Variants in SLC8A1 observed in about 807,000 individuals in gnomAD.
SLC8A1 encodes sodium/calcium exchanger 1.
A neutral mutation model predicts 68.3 loss-of-function variants in SLC8A1; 18 were observed. The observed-to-expected ratio is 0.26, with a 90% CI of 0.18 to 0.39. The LOEUF is 0.39. Ranked by LOEUF, SLC8A1 falls within the 10% of genes least tolerant of loss-of-function variation. The pLI is 1.00. For synonymous variants in SLC8A1, 475 were observed against 415.5 expected (o/e 1.14, Z -1.74); for missense variants, 985 against 1,156.7 (o/e 0.85, Z 2.15).
At chr2:40,193,867 G>T (rs184758081) in intron 2 of SLC8A1, among the ~76,000 whole-genome samples, 78 of 152,182 alleles carry the variant, frequency 5.1e-4, no homozygotes, top group African/African-American at 1.8e-3. Flanking sequence ...ATACTTTAAA[G>T]AAGTGTCTGG....
At chr2:40,330,930 C>T (rs983217278) in intron 2 of SLC8A1, among the ~76,000 whole-genome samples, 2 of 152,102 alleles carry the variant, frequency 1.3e-5, no homozygotes, top group Non-Finnish European at 2.9e-5. Context: ...TACCTGCAAA[C>T]CAGAGCCACA....
At chr2:40,428,351 A>C in intron 2 of SLC8A1, 122 bp downstream of exon 2, 1 of 1,398,940 alleles carries the variant, frequency 7.1e-7, no homozygotes, top group Non-Finnish European at 9.2e-7. Flanking sequence ...CTTGTATAAA[A>C]GCTATTCCAT....
intron 2 of SLC8A1, among the ~76,000 whole-genome samples, chr2:40,332,111 G>A (rs1253939323): frequency 6.6e-6 from 1 of 152,050 alleles, no homozygotes; most frequent in Non-Finnish European, 1.5e-5. Flanking sequence ...CATAGTGCCT[G>A]GCAGTGAGTT....
chr2:40,237,227 C>A lies in SLC8A1; in HGVS notation c.1809-59372G>T, dbSNP rs533473572. Among the ~76,000 whole-genome samples, 3 of 152,324 alleles carry A rather than the reference C, an allele frequency of 2.0e-5. No individual in the cohort carries two copies. The South Asian group carries it at 6.2e-4, about 32-fold the overall frequency. On this transcript the variant is annotated intron_variant, in intron 2 of 7. Coordinates refer to ENST00000406785, the Ensembl canonical transcript of SLC8A1. ...TCCAACTTGGTTCCATTGTCCCCATCGCTTTCAGGTACACCAATCAGACGT... is the reference window on the plus strand; with the variant it reads ...TCCAACTTGGTTCCATTGTCCCCATAGCTTTCAGGTACACCAATCAGACGT...
At chr2:40,178,521 C>A in intron 2 of SLC8A1, 28 bp from the exon 3 acceptor site, 5 of 1,567,004 alleles carry the variant, frequency 3.2e-6, no homozygotes, top group Non-Finnish European at 4.4e-6. Context: ...AATTGACGAA[C>A]AAGGGGAAGA....
At chr2:40,353,711 T>C (rs1264297409) in intron 2 of SLC8A1, among the ~76,000 whole-genome samples, 1 of 152,224 alleles carries the variant, frequency 6.6e-6, no homozygotes, top group Non-Finnish European at 1.5e-5. Context: ...CTTTGTACTC[T>C]TTCTCCCAAA....
chr2:40,420,635 G>T (rs530117621), intron 2 of SLC8A1, among the ~76,000 whole-genome samples: 1 of 152,266 alleles, frequency 6.6e-6, no homozygotes, highest in African/African-American at 2.4e-5. Flanking sequence ...AGCTATTCAT[G>T]GCCTTCTAGG....
At chr2:40,351,585 C>CA (rs35996211) in intron 2 of SLC8A1, among the ~76,000 whole-genome samples, 69,753 of 142,180 alleles carry the variant, frequency 0.49, 16,785 homozygotes, top group East Asian at 0.68. Flanking sequence ...ATGTTGCATC[C>CA]AAAAAAAAAA....
At chr2:40,392,067 A>AGAAGGAAGGAGAAG (rs1553562801) in intron 2 of SLC8A1, among the ~76,000 whole-genome samples, 1 of 150,122 alleles carries the variant, frequency 6.7e-6, no homozygotes, top group Non-Finnish European at 1.5e-5. Flanking sequence ...AGAAGGAAGG[A>AGAAGGAAGGAGAAG]GAAGGAAGGA....
intron 2 of SLC8A1, among the ~76,000 whole-genome samples, chr2:40,263,818 G>A (rs943488009): frequency 6.6e-6 from 1 of 152,122 alleles, no homozygotes; most frequent in Non-Finnish European, 1.5e-5. Context: ...AACACAAAAA[G>A]CAATGATAAC....
At chr2:40,253,384 C>G (rs968853374) in intron 2 of SLC8A1, among the ~76,000 whole-genome samples, 1 of 151,318 alleles carries the variant, frequency 6.6e-6, no homozygotes, top group Admixed American at 6.6e-5. Flanking sequence ...AAATAAAATC[C>G]TGTCATTTGC....
At chr2:40,440,449 A>C (rs190614019) in intron 1 of SLC8A1, among the ~76,000 whole-genome samples, 38 of 152,314 alleles carry the variant, frequency 2.5e-4, no homozygotes, top group Non-Finnish European at 4.9e-4. Context: ...TATTTTCATC[A>C]ATATCAATGA....
chr2:40,169,553 A>G (rs1221625589), intron 4 of SLC8A1, among the ~76,000 whole-genome samples: 2 of 152,030 alleles, frequency 1.3e-5, no homozygotes, highest in Non-Finnish European at 2.9e-5. Context: ...GAGAAACCCC[A>G]CAGATGTACT....
chr2:40,212,098 G>A (rs139425102), intron 2 of SLC8A1, among the ~76,000 whole-genome samples: 2 of 152,156 alleles, frequency 1.3e-5, no homozygotes, highest in East Asian at 3.9e-4. Flanking sequence ...AAGATTTTAT[G>A]TAATTTAAAT....
At chr2:40,353,844 C>T (rs1243331846) in intron 2 of SLC8A1, among the ~76,000 whole-genome samples, 1 of 152,176 alleles carries the variant, frequency 6.6e-6, no homozygotes, top group Non-Finnish European at 1.5e-5. Context: ...AGGTAAACCT[C>T]TTAAGGAGAG....
rs574696111 is a variant in SLC8A1 at position 40,333,852 on chromosome 2, C to T, written c.1808+94621G>A. On this transcript the variant is annotated intron_variant, in intron 2 of 7. Coordinates refer to ENST00000406785, the Ensembl canonical transcript of SLC8A1. The stretch of plus-strand genomic sequence containing the variant: ...TCTCTTGAGGTCAGGGGTTTGAGAC[C>T]AGCCGGACCAACATGGTGAAACCCT... 6.7e-4 allele frequency among the ~76,000 whole-genome samples: 102 copies of T among 152,184 alleles called. 1 individual carries two copies. In the South Asian group the frequency reaches 0.021, roughly 31 times the overall value.
upstream of SLC8A1, among the ~76,000 whole-genome samples, chr2:40,453,752 G>A (rs1055611584): frequency 6.6e-6 from 1 of 152,290 alleles, no homozygotes; most frequent in East Asian, 1.9e-4. Context: ...AATCACATGG[G>A]GATTGCAGAT....
At chr2:40,470,176 T>C (rs1703924697) in intron 1 of SLC8A1, among the ~76,000 whole-genome samples, 1 of 152,134 alleles carries the variant, frequency 6.6e-6, no homozygotes, top group Non-Finnish European at 1.5e-5. Context: ...TCCCTTTGGA[T>C]AACAGCATTA....
chr2:40,407,453 G>A (rs952228587), intron 2 of SLC8A1, among the ~76,000 whole-genome samples: 15 of 152,248 alleles, frequency 9.9e-5, no homozygotes, highest in South Asian at 4.1e-4. Flanking sequence ...TTCTTCAAAC[G>A]TCAGTGGTTT....
Sources: gnomAD v4.1 joint callset for allele counts (sites outside exome capture counted in the v4.1 genomes callset) on GRCh38, gnomAD v4.1.1 for gene constraint, MANE v1.5 for transcripts, NCBI Gene and HGNC (gene_info 2026-07-23, HGNC 2026-07-21) for gene names.